The following PRKAA2 variants were observed in gnomAD, a reference collection of about 807,000 sequenced individuals.
PRKAA2 encodes 5'-AMP-activated protein kinase catalytic subunit alpha-2.
A neutral mutation model predicts 56.3 loss-of-function variants in PRKAA2; 40 were observed. That is an observed-to-expected ratio of 0.71 (90% CI 0.55 to 0.92). The LOEUF (loss-of-function observed/expected upper bound fraction) is 0.92. PRKAA2 is among the 40% of genes least tolerant of loss of function. The pLI is 0.00. For synonymous variants in PRKAA2, 214 were observed against 234.2 expected (o/e 0.91, Z 0.79); for missense variants, 542 against 686.9 (o/e 0.79, Z 2.36).
rs80307069 is a variant in PRKAA2 at position 56,704,596 on chromosome 1, A to G, written c.1293+121A>G. 6.1e-4 allele frequency: 706 copies of G among 1,164,090 alleles called. 8 individuals are homozygous for G. The East Asian group carries it at 0.016, about 26-fold the overall frequency. 72.1% of individuals were successfully genotyped at this position (1,164,090 alleles called of 1,614,324 possible). A position where few individuals can be genotyped will look rare whatever the true frequency, so the allele number is the denominator to read the frequency against. ...TTTCTAGTAATATGCTATGCACATT[A>G]AAAACAAAACAAATAACCTCTATAA... On this transcript the variant is annotated intron_variant, in intron 7 of 8. Transcript: ENST00000371244.
At chr1:56,687,065 G>A (rs1398353368) in intron 2 of PRKAA2, among the ~76,000 whole-genome samples, 1 of 151,794 alleles carries the variant, frequency 6.6e-6, no homozygotes, top group Non-Finnish European at 1.5e-5. Flanking sequence ...TTTATTTTTA[G>A]TAGACATGGG....
intron 5 of PRKAA2, 50 bp downstream of exon 5, chr1:56,693,902 TAAC>T (rs773189496): frequency 1.6e-6 from 2 of 1,252,132 alleles, no homozygotes; most frequent in South Asian, 2.8e-5. Context: ...TTCATTTTGA[TAAC>T]ATTTAATTAC....
chr1:56,680,482 A>G (rs1471488381), intron 2 of PRKAA2, among the ~76,000 whole-genome samples: 1 of 152,088 alleles, frequency 6.6e-6, no homozygotes, highest in Non-Finnish European at 1.5e-5. Context: ...TACATTAGGT[A>G]TATCTCCTAA....
chr1:56,671,875 A>C (rs1033273910), intron 1 of PRKAA2, among the ~76,000 whole-genome samples: 1 of 152,188 alleles, frequency 6.6e-6, no homozygotes, highest in Non-Finnish European at 1.5e-5. Context: ...GAGAGCAGGG[A>C]AGCTAGCACT....
At chr1:56,681,963 G>A (rs1388247520) in intron 2 of PRKAA2, among the ~76,000 whole-genome samples, 4 of 152,082 alleles carry the variant, frequency 2.6e-5, no homozygotes, top group African/African-American at 9.7e-5. Context: ...CCATTTTCAC[G>A]ATATTGATTC....
intron 6 of PRKAA2, among the ~76,000 whole-genome samples, chr1:56,702,086 C>CTT (rs1437077670): frequency 3.5e-5 from 5 of 142,708 alleles, no homozygotes; most frequent in Admixed American, 7.0e-5. Context: ...TTTATCTTTT[C>CTT]TTTTTTTTTT....
chr1:56,706,734 A>G (rs1291215864), intron 8 of PRKAA2, among the ~76,000 whole-genome samples: 2 of 152,224 alleles, frequency 1.3e-5, no homozygotes, highest in African/African-American at 4.8e-5. Context: ...TGTGCCAAGA[A>G]TTAAACTTGG....
intron 1 of PRKAA2, among the ~76,000 whole-genome samples, chr1:56,651,577 A>G (rs1643898030): frequency 6.6e-6 from 1 of 152,224 alleles, no homozygotes; most frequent in African/African-American, 2.4e-5. Flanking sequence ...TTTCAAACCT[A>G]CAAGGATATA....
chr1:56,659,996 A>G (rs933818998), intron 1 of PRKAA2, among the ~76,000 whole-genome samples: 2 of 152,216 alleles, frequency 1.3e-5, no homozygotes, highest in African/African-American at 4.8e-5. Flanking sequence ...AATTATTTTC[A>G]TAAGTCTTTA....
Position 56,704,219 on chromosome 1 carries a change from C to T in PRKAA2, c.1037C>T (p.Pro346Leu). The change falls in exon 7 of 9, where the codon CCT (proline) becomes CTT (leucine). Residue 346 changes from proline to leucine, a missense_variant. By Grantham distance (98) the Pro-to-Leu change is moderately conservative. Around this residue, in one of 5 missense-constraint regions of PRKAA2, gnomAD observed 198 missense variants for 234.0 expected, o/e 0.85. Transcript: ENST00000371244. The stretch of plus-strand genomic sequence containing the variant: ...AGTGAGTTCTACCTCGCCTCTAGTC[C>T]TCCATCTGGTTCTTTTATGGATGAT... Reference protein sequence around the residue: ...QASEFYLASSPPSGSFMDDSA... With the variant: ...QASEFYLASSLPSGSFMDDSA... The T allele has an allele frequency of 6.2e-7, 1 of 1,614,158 alleles. No homozygotes were observed. Among genetic ancestry groups the T allele is most frequent in the Non-Finnish European group, 8.5e-7 (1 of 1,180,024 alleles).
chr1:56,692,571 A>G (rs1644235610), intron 4 of PRKAA2, 69 bp downstream of exon 4: 7 of 1,491,662 alleles, frequency 4.7e-6, no homozygotes, highest in African/African-American at 1.4e-5. Context: ...CATTGAACTA[A>G]GAACTTTACT....
intron 8 of PRKAA2, 82 bp downstream of exon 8, chr1:56,706,300 A>T (rs1163108794): frequency 6.6e-7 from 1 of 1,515,102 alleles, no homozygotes; most frequent in Non-Finnish European, 8.9e-7. Context: ...TCTCGAAGAC[A>T]TCCGGTGGGT....
Position 56,693,811 on chromosome 1 carries a change from C to T in PRKAA2, c.522C>T (p.Cys174=), listed in dbSNP as rs367787992. The change falls in exon 5 of 9, where the codon TGC becomes TGT. Residue 174 remains cysteine (C), a synonymous_variant. Transcript: ENST00000371244. ...MSDGEFLRTS[C]GSPNYAAPEV... ...ATGGTGAATTTCTGAGAACTAGTTGCGGATCTCCAAATTATGCAGCACCTG... is the reference window on the plus strand; with the variant it reads ...ATGGTGAATTTCTGAGAACTAGTTGTGGATCTCCAAATTATGCAGCACCTG... 1.2e-4 allele frequency: 187 copies of T among 1,599,426 alleles called. No homozygotes were observed. Among genetic ancestry groups the T allele is most frequent in the East Asian group, 3.6e-4 (16 of 44,572 alleles).
At chr1:56,679,659 C>T (rs1283121136) in intron 2 of PRKAA2, among the ~76,000 whole-genome samples, 1 of 152,090 alleles carries the variant, frequency 6.6e-6, no homozygotes. Context: ...TCAGCTGTTT[C>T]CTCTGCTTGG....
In PRKAA2 at chr1:56,706,116, G is replaced by C; in HGVS notation, c.1318G>C (p.Val440Leu). Residue 440 changes from valine (V) to leucine (L), a missense_variant, in exon 8 of 9, where the codon GTA (valine) becomes CTA (leucine). Physicochemically the swap from Val to Leu is conservative, Grantham distance 32 (BLOSUM62 1). Around this residue, in one of 5 missense-constraint regions of PRKAA2, gnomAD observed 158 missense variants for 166.1 expected, o/e 0.95. Coordinates refer to ENST00000371244, the MANE Select transcript of PRKAA2 (RefSeq NM_006252.4). ...WKVVNAYHLR[V>L]RRKNPVTGNY... is the part of the protein sequence containing the mutation. ...GGTAGTGAATGCATACCATCTTCGT[G>C]TAAGAAGAAAAAATCCAGTGACTGG... The C allele has an allele frequency of 6.2e-7, 1 of 1,611,234 alleles. No individual in the cohort carries two copies. Among genetic ancestry groups the C allele is most frequent in the Non-Finnish European group, 8.5e-7 (1 of 1,177,682 alleles).
intron 5 of PRKAA2, 59 bp from the exon 6 acceptor site, chr1:56,695,876 G>T: frequency 1.4e-6 from 2 of 1,416,610 alleles, no homozygotes; most frequent in East Asian, 2.3e-5. Context: ...TAGAAGTAGG[G>T]TACATAGAGA....
At position 56,712,980 on chromosome 1, in the gene PRKAA2, A is replaced by G. The variant is rs1003178442; in HGVS notation, c.*5267A>G. 1.3e-5 allele frequency: 2 copies of G among 152,206 alleles called. No individual in the cohort carries two copies. Among genetic ancestry groups the G allele is most frequent in the Admixed American group, 1.3e-4 (2 of 15,270 alleles). 9.4% of individuals were successfully genotyped at this position (152,206 alleles called of 1,614,324 possible). On this transcript the variant is annotated 3_prime_UTR_variant, in exon 9 of 9. Transcript: ENST00000371244. ...GATTGATTTTTCATTTTGTATGTAT[A>G]TTACATGATATAACTATTTTCATAG...
chr1:56,692,378 G>A lies in PRKAA2; in HGVS notation c.351G>A (p.Arg117=), dbSNP rs17848595. 0.07 allele frequency: 112,305 copies of A among 1,613,724 alleles called. 6,665 individuals carry two copies. The highest frequency in any genetic ancestry group is 0.24 in the East Asian group (10,560 of 44,846). Residue 117 remains arginine, a synonymous_variant, in exon 4 of 9, where the codon AGG becomes AGA. Transcript: ENST00000371244. ...KHGRVEEMEA[R]RLFQQILSAV... ...GATAGGTTGAAGAGATGGAAGCCAG[G>A]CGGCTCTTTCAGCAGATTCTGTCTG...
chr1:56,712,805 T>C lies in PRKAA2; in HGVS notation c.*5092T>C, dbSNP rs1165891231. The C allele has an allele frequency of 6.6e-6, 1 of 151,884 alleles. No individual in the cohort carries two copies. The highest frequency in any genetic ancestry group is 6.6e-5 in the Admixed American group (1 of 15,236). The allele number at this position is 151,884 out of a possible 1,614,324, so 9.4% of individuals were successfully genotyped here. On this transcript the variant is annotated 3_prime_UTR_variant, in exon 9 of 9. Coordinates refer to ENST00000371244, the MANE Select transcript of PRKAA2 (RefSeq NM_006252.4). ...AGGCAGAGATTGCAATAAGCCAAGATCATGCCACTGCATGCCAGCCTGGGT... is the reference window on the plus strand; with the variant it reads ...AGGCAGAGATTGCAATAAGCCAAGACCATGCCACTGCATGCCAGCCTGGGT...
Sources: allele counts gnomAD v4.1 joint callset (sites outside exome capture counted in the v4.1 genomes callset), GRCh38; gene constraint gnomAD v4.1.1; regional missense constraint gnomAD v4.1.1; transcripts MANE v1.5; gene names NCBI Gene and HGNC (gene_info 2026-07-23, HGNC 2026-07-21).